Variants in L3MBTL4 observed in about 807,000 individuals in gnomAD.
The protein encoded by L3MBTL4 is lethal(3)malignant brain tumor-like protein 4.
L3MBTL4 carries 70 observed loss-of-function variants against 84.5 expected under a neutral mutation model. The ratio of observed to expected loss-of-function variants is 0.83; its 90% CI spans 0.68 to 1.01. The LOEUF is 1.01. Among genes scored for constraint, L3MBTL4 ranks in the 50% least tolerant of loss-of-function variants. The probability of loss-of-function intolerance (pLI) is 0.00; values close to 1 mark genes in which losing one functional copy is unlikely to be tolerated. For synonymous variants in L3MBTL4, 274 were observed against 259.8 expected (o/e 1.05, Z -0.52); for missense variants, 715 against 754.8 (o/e 0.95, Z 0.62).
At chr18:6,148,144 T>C (rs2042732558) in intron 13 of L3MBTL4, among the ~76,000 whole-genome samples, 1 of 152,238 alleles carries the variant, frequency 6.6e-6, no homozygotes. Context: ...TTTACTGATA[T>C]ATGGATAAAA....
chr18:6,294,690 G>C (rs2050012665), intron 4 of L3MBTL4, among the ~76,000 whole-genome samples: 2 of 151,370 alleles, frequency 1.3e-5, no homozygotes, highest in Non-Finnish European at 2.9e-5. Context: ...GCTGCTCTGT[G>C]ACATTGTCTT....
At chr18:6,401,117 T>C (rs1455387107) in intron 1 of L3MBTL4, among the ~76,000 whole-genome samples, 2 of 152,160 alleles carry the variant, frequency 1.3e-5, no homozygotes, top group Admixed American at 6.6e-5. Context: ...TCTGACATTA[T>C]ATTTGGCTCT....
intron 1 of L3MBTL4, among the ~76,000 whole-genome samples, chr18:6,392,020 C>T (rs72879927): frequency 2.8e-3 from 424 of 152,064 alleles, no homozygotes; most frequent in Non-Finnish European, 5.2e-3. Context: ...GCATGTGGAA[C>T]CAAAAAGGAG....
At chr18:6,047,945 G>A (rs1367336193) in intron 16 of L3MBTL4, among the ~76,000 whole-genome samples, 1 of 152,120 alleles carries the variant, frequency 6.6e-6, no homozygotes, top group Admixed American at 6.5e-5. Context: ...CATCCAAATA[G>A]GAAAAGAATA....
At chr18:6,380,416 C>A (rs2054550133) in intron 1 of L3MBTL4, among the ~76,000 whole-genome samples, 1 of 152,090 alleles carries the variant, frequency 6.6e-6, no homozygotes, top group Non-Finnish European at 1.5e-5. Context: ...GTTAGGGTGT[C>A]AATTTTAGAT....
At chr18:6,023,867 A>G (rs2055379346) in intron 16 of L3MBTL4, among the ~76,000 whole-genome samples, 1 of 152,060 alleles carries the variant, frequency 6.6e-6, no homozygotes, top group Admixed American at 6.6e-5. Flanking sequence ...TGGTAGATTT[A>G]TTATTTGAAC....
intron 13 of L3MBTL4, among the ~76,000 whole-genome samples, chr18:6,156,324 C>T (rs2043102497): frequency 6.6e-6 from 1 of 152,006 alleles, no homozygotes; most frequent in South Asian, 2.1e-4. Flanking sequence ...ACTTTGCAAA[C>T]CCTAGAACAG....
At chr18:5,993,042 G>A (rs1317452797) in intron 16 of L3MBTL4, among the ~76,000 whole-genome samples, 1 of 152,190 alleles carries the variant, frequency 6.6e-6, no homozygotes, top group Non-Finnish European at 1.5e-5. Flanking sequence ...GCAAGACTGA[G>A]AGAAAAATGA....
chr18:6,067,307 G>A (rs1036747723), intron 16 of L3MBTL4, among the ~76,000 whole-genome samples: 13 of 152,102 alleles, frequency 8.5e-5, no homozygotes, highest in African/African-American at 3.1e-4. Flanking sequence ...GAATTTCCCA[G>A]GAGTTCCTTG....
At chr18:6,369,249 A>G (rs888711625) in intron 1 of L3MBTL4, among the ~76,000 whole-genome samples, 1 of 152,170 alleles carries the variant, frequency 6.6e-6, no homozygotes, top group African/African-American at 2.4e-5. Context: ...AGCCATCTGT[A>G]TAAAAATCAT....
At chr18:6,012,112 C>T (rs1445337058) in intron 16 of L3MBTL4, among the ~76,000 whole-genome samples, 1 of 152,162 alleles carries the variant, frequency 6.6e-6, no homozygotes, top group Non-Finnish European at 1.5e-5. Context: ...TTTCAGGAGT[C>T]AGCTCAGGTA....
At chr18:5,965,766 G>T (rs1393828059) in intron 17 of L3MBTL4, among the ~76,000 whole-genome samples, 2 of 152,174 alleles carry the variant, frequency 1.3e-5, no homozygotes, top group East Asian at 3.8e-4. Context: ...GTGAGGACAT[G>T]GAAAGAAATT....
intron 13 of L3MBTL4, among the ~76,000 whole-genome samples, chr18:6,168,525 A>G (rs890952246): frequency 6.6e-6 from 1 of 152,130 alleles, no homozygotes; most frequent in Non-Finnish European, 1.5e-5. Flanking sequence ...ATAATGCTGC[A>G]TATCTACAAC....
intron 12 of L3MBTL4, among the ~76,000 whole-genome samples, chr18:6,179,137 T>C (rs1055181702): frequency 2.0e-5 from 3 of 152,252 alleles, no homozygotes; most frequent in African/African-American, 7.2e-5. Flanking sequence ...GACTATTACA[T>C]TGTTTTATTT....
chr18:6,348,680 AC>A (rs202088541), intron 1 of L3MBTL4, among the ~76,000 whole-genome samples: 3,354 of 152,322 alleles, frequency 0.022, 43 homozygotes, highest in Middle Eastern at 0.041. Context: ...AAAGGTACCA[AC>A]CAAAAAATAA....
At chr18:6,326,969 T>C (rs997079665) in intron 1 of L3MBTL4, among the ~76,000 whole-genome samples, 3 of 151,942 alleles carry the variant, frequency 2.0e-5, no homozygotes, top group Middle Eastern at 3.2e-3. Flanking sequence ...CAGGGGAAAA[T>C]AACTGTAAAA....
chr18:5,959,234 C>G (rs912160781), intron 18 of L3MBTL4, among the ~76,000 whole-genome samples: 1 of 152,214 alleles, frequency 6.6e-6, no homozygotes, highest in African/African-American at 2.4e-5. Flanking sequence ...AGGCTCTGAG[C>G]TCTCAGATGG....
chr18:5,988,353 C>A lies in L3MBTL4; in HGVS notation c.1445-18791G>T, dbSNP rs58786573. Among the ~76,000 whole-genome samples the A allele has an allele frequency of 8.1e-3, 1,227 of 152,262 alleles. 14 individuals are homozygous for A. Among genetic ancestry groups the A allele is most frequent in the Middle Eastern group, 0.031 (9 of 294 alleles). On this transcript the variant is annotated intron_variant, in intron 16 of 18. Transcript: ENST00000317931. ...AACAGATCATGAGATAAAAACAATT[C>A]TACGATTGTTGGAGGGGCCCTGTAT... is the stretch of plus-strand genomic sequence containing the variant.
At chr18:6,067,062 GT>G (rs2057425298) in intron 16 of L3MBTL4, among the ~76,000 whole-genome samples, 1 of 151,984 alleles carries the variant, frequency 6.6e-6, no homozygotes, top group Non-Finnish European at 1.5e-5. Context: ...ATGAAGCTTA[GT>G]TTTTCTGGAT....
Sources: gnomAD v4.1 joint callset for allele counts (sites outside exome capture counted in the v4.1 genomes callset) on GRCh38, gnomAD v4.1.1 for gene constraint, MANE v1.5 for transcripts, NCBI Gene and HGNC (gene_info 2026-07-23, HGNC 2026-07-21) for gene names.